Variants in LAMA1 observed in about 807,000 individuals in gnomAD.
The protein encoded by LAMA1 is laminin subunit alpha-1.
A neutral mutation model predicts 348.7 loss-of-function variants in LAMA1; 219 were observed. That is an observed-to-expected ratio of 0.63 (90% CI 0.56 to 0.70). LAMA1 has a LOEUF of 0.70. LAMA1 is among the 30% of genes least tolerant of loss of function. The pLI, the probability that LAMA1 is intolerant of heterozygous loss-of-function variation, is 0.00. For synonymous variants in LAMA1, 1,487 were observed against 1,491.0 expected (o/e 1.00, Z 0.06); for missense variants, 3,744 against 3,888.0 (o/e 0.96, Z 0.99).
At chr18:7,094,426 C>CAAAAAA (rs1194222301) in intron 1 of LAMA1, among the ~76,000 whole-genome samples, 1 of 63,410 alleles carries the variant, frequency 1.6e-5, no homozygotes, top group Non-Finnish European at 3.7e-5. Context: ...GACTCCGTCT[C>CAAAAAA]AAAAAAAAAA....
chr18:7,048,199 T>C (rs1007811577), intron 5 of LAMA1, among the ~76,000 whole-genome samples: 1 of 152,088 alleles, frequency 6.6e-6, no homozygotes, highest in Non-Finnish European at 1.5e-5. Flanking sequence ...TTTGTCCAAT[T>C]TAAAAATGGA....
chr18:7,045,401 C>G (rs1265889329), intron 6 of LAMA1, among the ~76,000 whole-genome samples: 7 of 151,930 alleles, frequency 4.6e-5, no homozygotes, highest in Non-Finnish European at 8.8e-5. Flanking sequence ...ACCCAGGATG[C>G]GGAGGTTGCA....
intron 1 of LAMA1, among the ~76,000 whole-genome samples, chr18:7,099,115 C>G (rs1009091526): frequency 6.6e-6 from 1 of 151,804 alleles, no homozygotes; most frequent in African/African-American, 2.4e-5. Context: ...TCATTTTGTT[C>G]TGTACTAAGA....
intron 12 of LAMA1, among the ~76,000 whole-genome samples, chr18:7,037,104 G>A (rs1180675775): frequency 6.6e-6 from 1 of 152,176 alleles, no homozygotes; most frequent in East Asian, 1.9e-4. Flanking sequence ...CTAAATGTGA[G>A]CTTCAGATGA....
At chr18:7,096,070 A>T (rs1361320125) in intron 1 of LAMA1, among the ~76,000 whole-genome samples, 1 of 152,252 alleles carries the variant, frequency 6.6e-6, no homozygotes, top group Non-Finnish European at 1.5e-5. Context: ...TCCGTCTCAA[A>T]AAAAAAGAAA....
rs2058041736 is a variant in LAMA1, at chr18:7,046,307, T to C, written c.829A>G (p.Ser277Gly). ...GGMCICYGHA[S>G]SCPWDETTKK... Reference sequence around the variant, plus strand: ...GTAGTTTCATCCCATGGGCAGCTACTAGCATGGCCATAGCAGATACACATG... The same window carrying C: ...GTAGTTTCATCCCATGGGCAGCTACCAGCATGGCCATAGCAGATACACATG... Residue 277 changes from serine (S) to glycine (G), a missense_variant, in exon 6 of 63, where the codon AGT (serine) becomes GGT (glycine). Physicochemically the swap from Ser to Gly is moderately conservative, Grantham distance 56. Transcript: ENST00000389658. 3 of 1,611,950 alleles carry C rather than the reference T, an allele frequency of 1.9e-6. No individual in the cohort carries two copies. The South Asian group carries it at 3.3e-5, about 18-fold the overall frequency.
At chr18:6,942,355 T>A in intron 62 of LAMA1, 116 bp from the exon 63 acceptor site, 1 of 1,083,460 alleles carries the variant, frequency 9.2e-7, no homozygotes, top group Non-Finnish European at 1.3e-6. Context: ...AATTTTTCAC[T>A]ATCAAAATTA....
chr18:7,052,545 G>A (rs1038581467), intron 3 of LAMA1, among the ~76,000 whole-genome samples: 1 of 151,128 alleles, frequency 6.6e-6, no homozygotes. Flanking sequence ...TGACCAACAC[G>A]GTGAAACCAC....
At chr18:6,998,713 A>G (rs904389099) in intron 32 of LAMA1, among the ~76,000 whole-genome samples, 3 of 152,198 alleles carry the variant, frequency 2.0e-5, no homozygotes, top group African/African-American at 7.2e-5. Flanking sequence ...GGTAGAATAA[A>G]TCAGAACTGG....
At chr18:7,053,171 C>T (rs73376803) in intron 3 of LAMA1, among the ~76,000 whole-genome samples, 2,855 of 152,248 alleles carry the variant, frequency 0.019, 90 homozygotes, top group African/African-American at 0.065. Flanking sequence ...TGGCTGCCAG[C>T]GTCTCAGGGT....
intron 22 of LAMA1, 123 bp downstream of exon 22, chr18:7,015,599 T>TTC (rs779423572): frequency 1.6e-6 from 2 of 1,260,390 alleles, no homozygotes; most frequent in Non-Finnish European, 2.2e-6. Context: ...TTTTTTTTTT[T>TTC]TTTTTAAATT....
Position 7,009,271 on chromosome 18 carries a change from C to T in LAMA1, c.3969G>A (p.Lys1323=), listed in dbSNP as rs746832258. 10 of 1,613,920 alleles carry T rather than the reference C, an allele frequency of 6.2e-6. No homozygotes were observed. The highest frequency in any genetic ancestry group is 1.7e-5 in the Admixed American group (1 of 59,990). ...VLSDIEYILI[K]ASYGQGLQQS... The stretch of plus-strand genomic sequence containing the variant: ...GCTGTAATCCTTGACCATACGATGC[C>T]TTGATGAGGATGTACTCAATATCGC... The change falls in exon 27 of 63, where the codon AAG becomes AAA. Residue 1323 remains lysine, a synonymous_variant. Transcript: ENST00000389658.
At chr18:6,945,819 C>T (rs2057519034) in intron 61 of LAMA1, among the ~76,000 whole-genome samples, 1 of 152,106 alleles carries the variant, frequency 6.6e-6, no homozygotes, top group Non-Finnish European at 1.5e-5. Context: ...AGACCCCAGA[C>T]CACTCACTGT....
intron 60 of LAMA1, among the ~76,000 whole-genome samples, chr18:6,947,591 C>T (rs1487565435): frequency 6.6e-6 from 1 of 152,196 alleles, no homozygotes; most frequent in Non-Finnish European, 1.5e-5. Flanking sequence ...ACACGTCCTC[C>T]CTGCGGCAGT....
At chr18:6,983,342 T>TTCC in intron 39 of LAMA1, 108 bp from the exon 40 acceptor site, 1 of 1,115,250 alleles carries the variant, frequency 9.0e-7, no homozygotes, top group Non-Finnish European at 1.3e-6. Flanking sequence ...CCTATCTTCT[T>TTCC]TCCCCTTAGA....
intron 28 of LAMA1, among the ~76,000 whole-genome samples, chr18:7,007,784 C>T (rs1216115370): frequency 6.6e-6 from 1 of 152,074 alleles, no homozygotes; most frequent in Admixed American, 6.6e-5. Context: ...CATGTATGTA[C>T]AATGGAATAT....
intron 53 of LAMA1, 138 bp downstream of exon 53, chr18:6,961,448 T>C: frequency 1.1e-6 from 1 of 949,612 alleles, no homozygotes; most frequent in Admixed American, 2.1e-5. Context: ...AACAATAACT[T>C]TTACTTATTG....
At chr18:7,109,669 A>G (rs2058327922) in intron 1 of LAMA1, among the ~76,000 whole-genome samples, 1 of 152,158 alleles carries the variant, frequency 6.6e-6, no homozygotes, top group South Asian at 2.1e-4. Flanking sequence ...GTGCAGTTAG[A>G]CAGGAAGGAG....
In LAMA1 at chr18:7,080,084, C is replaced by A; in HGVS notation, c.236G>T (p.Arg79Leu). 6.2e-7 allele frequency: 1 copy of A among 1,611,346 alleles called. No homozygotes were observed. The highest frequency in any genetic ancestry group is 8.5e-7 in the Non-Finnish European group (1 of 1,177,568). The change falls in exon 3 of 63, where the codon CGC becomes CTC. Residue 79 changes from arginine (R) to leucine (L), a missense_variant. Transcript: ENST00000389658. ...CDGNSANPRE[R>L]HPISHAIDGT... ...ATCTATGGCATGTGATATTGGATGG[C>A]GTTCTGTTGAAAGAAAATAAAAAAC...
Sources: gnomAD v4.1 joint callset for allele counts (sites outside exome capture counted in the v4.1 genomes callset) on GRCh38, gnomAD v4.1.1 for gene constraint, MANE v1.5 for transcripts, NCBI Gene and HGNC (gene_info 2026-07-23, HGNC 2026-07-21) for gene names.